Variants in MDGA2 observed in about 807,000 individuals in gnomAD.
The protein encoded by MDGA2 is MAM domain containing glycosylphosphatidylinositol anchor 2.
In MDGA2, 40 loss-of-function variants were observed where a neutral mutation model predicts 117.8. The ratio of observed to expected loss-of-function variants is 0.34; its 90% CI spans 0.26 to 0.44. The LOEUF is 0.44. Ranked by LOEUF, MDGA2 falls within the 20% of genes least tolerant of loss-of-function variation. The probability of loss-of-function intolerance (pLI) is 1.00; values close to 1 mark genes in which losing one functional copy is unlikely to be tolerated. For missense variants in MDGA2, 1,123 were observed against 1,250.6 expected (o/e 0.90, Z 1.54); for synonymous variants, 452 against 439.0 (o/e 1.03, Z -0.37).
chr14:47,634,559 C>G (rs965930092), intron 1 of MDGA2, among the ~76,000 whole-genome samples: 1 of 152,156 alleles, frequency 6.6e-6, no homozygotes, highest in East Asian at 1.9e-4. Context: ...GTAAATCTGG[C>G]CTCCAGTAAA....
intron 1 of MDGA2, among the ~76,000 whole-genome samples, chr14:47,530,799 T>TG (rs1316690817): frequency 3.9e-5 from 6 of 152,186 alleles, no homozygotes; most frequent in Non-Finnish European, 7.3e-5. Flanking sequence ...TTCACTTGAA[T>TG]TTTTTGCTAC....
At chr14:47,235,077 C>G (rs2139584522) in intron 2 of MDGA2, among the ~76,000 whole-genome samples, 1 of 152,216 alleles carries the variant, frequency 6.6e-6, no homozygotes, top group East Asian at 1.9e-4. Context: ...TCAAGCATCA[C>G]TTACAATATT....
chr14:47,610,270 T>C (rs1275249950), intron 1 of MDGA2, among the ~76,000 whole-genome samples: 1 of 151,970 alleles, frequency 6.6e-6, no homozygotes, highest in East Asian at 1.9e-4. Context: ...AGATAAGATG[T>C]CCACTCTCAC....
chr14:47,192,624 TAAAATAAATAAATA>T (rs951590259), intron 3 of MDGA2, among the ~76,000 whole-genome samples: 6 of 151,494 alleles, frequency 4.0e-5, no homozygotes, highest in African/African-American at 1.5e-4. Context: ...GTCTCAAAAA[TAAAATAAATAAATA>T]AAAATAAATA....
intron 15 of MDGA2, among the ~76,000 whole-genome samples, chr14:46,847,824 AG>A (rs1369129881): frequency 2.6e-5 from 4 of 151,996 alleles, no homozygotes; most frequent in Non-Finnish European, 5.9e-5. Flanking sequence ...ACTTATTTAA[AG>A]CACATTGTTC....
chr14:47,115,053 G>T (rs984844392), intron 5 of MDGA2, among the ~76,000 whole-genome samples: 1 of 151,464 alleles, frequency 6.6e-6, no homozygotes, highest in Non-Finnish European at 1.5e-5. Flanking sequence ...CATAAGAAGT[G>T]GACAAAAGGA....
chr14:47,097,476 A>T (rs1208594658), intron 5 of MDGA2, among the ~76,000 whole-genome samples: 1 of 151,936 alleles, frequency 6.6e-6, no homozygotes, highest in African/African-American at 2.4e-5. Flanking sequence ...TGTCATTCCC[A>T]GTACAGATAC....
At chr14:47,339,953 T>C (rs1308452953) in intron 1 of MDGA2, among the ~76,000 whole-genome samples, 1 of 152,166 alleles carries the variant, frequency 6.6e-6, no homozygotes, top group Non-Finnish European at 1.5e-5. Flanking sequence ...CTATTCTGAA[T>C]TTTCAACAAA....
intron 1 of MDGA2, among the ~76,000 whole-genome samples, chr14:47,387,591 T>A (rs189707585): frequency 2.8e-4 from 43 of 152,344 alleles, no homozygotes; most frequent in Non-Finnish European, 5.7e-4. Context: ...GAAGTTGTTC[T>A]AAATTATGCT....
rs186184749 is a variant in MDGA2 at position 47,155,942 on chromosome 14, C to T, written c.596-11668G>A. 7.0e-3 allele frequency among the ~76,000 whole-genome samples: 589 copies of T among 84,240 alleles called. 22 individuals carry two copies. The Admixed American group carries it at 0.087, about 12-fold the overall frequency. The allele number at this position is 84,240 out of a possible 152,430, so 55.3% of individuals were successfully genotyped here. A position where few individuals can be genotyped will look rare whatever the true frequency, so the allele number is the denominator to read the frequency against. ...TTTTTTTTTTTTTTTGAGACAGAGT[C>T]TCTGTCACCCAGGCTGGAGAGCAGT... On this transcript the variant is annotated intron_variant, in intron 3 of 16. Coordinates refer to ENST00000399232, the MANE Select transcript of MDGA2 (RefSeq NM_001113498.3).
intron 8 of MDGA2, among the ~76,000 whole-genome samples, chr14:47,017,419 A>G (rs1199857203): frequency 6.6e-6 from 1 of 152,052 alleles, no homozygotes; most frequent in African/African-American, 2.4e-5. Flanking sequence ...ACATACAATA[A>G]GAAATAAAAT....
At chr14:47,334,021 G>T (rs1890368599) in intron 1 of MDGA2, among the ~76,000 whole-genome samples, 1 of 151,700 alleles carries the variant, frequency 6.6e-6, no homozygotes, top group Admixed American at 6.6e-5. Flanking sequence ...TCTCAACAGG[G>T]ATGATAATGA....
intron 2 of MDGA2, among the ~76,000 whole-genome samples, chr14:47,239,359 C>T (rs1375336650): frequency 6.6e-6 from 1 of 151,616 alleles, no homozygotes; most frequent in African/African-American, 2.4e-5. Context: ...CTATAGGCTT[C>T]TACTTTAACA....
At chr14:47,479,740 T>G (rs979060480) in intron 1 of MDGA2, among the ~76,000 whole-genome samples, 14 of 151,768 alleles carry the variant, frequency 9.2e-5, no homozygotes, top group African/African-American at 2.9e-4. Flanking sequence ...CAATATCTGA[T>G]GAGTAAGGAA....
At chr14:47,260,004 C>A (rs1375373699) in intron 2 of MDGA2, among the ~76,000 whole-genome samples, 1 of 151,732 alleles carries the variant, frequency 6.6e-6, no homozygotes, top group East Asian at 1.9e-4. Context: ...AAGCTGGGGG[C>A]GGATGGGGAG....
rs1337270373 is a variant in MDGA2, at chr14:47,500,734, G to A, written c.280+173783C>T. Reference sequence around the variant, plus strand: ...CATTTTAAAATCCATATATTCACAAGGAGACTAACGAAAGTTAATAGAACC... The same window carrying A: ...CATTTTAAAATCCATATATTCACAAAGAGACTAACGAAAGTTAATAGAACC... On this transcript the variant is annotated intron_variant, in intron 1 of 16. Coordinates refer to ENST00000399232, the MANE Select transcript of MDGA2 (RefSeq NM_001113498.3). Among the ~76,000 whole-genome samples, 4 of 152,108 alleles carry A rather than the reference G, an allele frequency of 2.6e-5. No homozygotes were observed. The East Asian group carries it at 7.8e-4, about 30-fold the overall frequency.
chr14:47,072,898 A>G (rs2138848881), intron 6 of MDGA2, among the ~76,000 whole-genome samples: 1 of 152,340 alleles, frequency 6.6e-6, no homozygotes, highest in South Asian at 2.1e-4. Context: ...GATCTTCAAA[A>G]GCCTGTTAAT....
intron 8 of MDGA2, among the ~76,000 whole-genome samples, chr14:47,004,734 C>A (rs1887652033): frequency 6.6e-6 from 1 of 151,666 alleles, no homozygotes; most frequent in Non-Finnish European, 1.5e-5. Flanking sequence ...TTATTTAGGT[C>A]TTTGTTAATG....
chr14:47,222,754 G>C (rs1886347775), intron 2 of MDGA2, among the ~76,000 whole-genome samples: 1 of 152,076 alleles, frequency 6.6e-6, no homozygotes, highest in African/African-American at 2.4e-5. Context: ...TTGAAACTTA[G>C]TTCAATACAG....
Sources: allele counts gnomAD v4.1 joint callset (sites outside exome capture counted in the v4.1 genomes callset), GRCh38; gene constraint gnomAD v4.1.1; transcripts MANE v1.5; gene names NCBI Gene and HGNC (gene_info 2026-07-23, HGNC 2026-07-21).